Variants in COBLL1 observed in about 807,000 individuals in gnomAD.
The protein encoded by COBLL1 is cordon-bleu WH2 repeat protein like 1.
In COBLL1, 50 loss-of-function variants were observed where a neutral mutation model predicts 94.8. The observed-to-expected ratio is 0.53, with a 90% confidence interval of 0.42 to 0.67. The LOEUF (loss-of-function observed/expected upper bound fraction) is 0.67. Ranked by LOEUF, COBLL1 falls within the 30% of genes least tolerant of loss-of-function variation. The pLI is 0.00. For synonymous variants in COBLL1, 448 were observed against 473.8 expected (o/e 0.95, Z 0.71); for missense variants, 1,362 against 1,348.7 (o/e 1.01, Z -0.15).
chr2:164,669,263 C>T (rs559665205), intron 1 of COBLL1, among the ~76,000 whole-genome samples: 5 of 151,962 alleles, frequency 3.3e-5, no homozygotes, highest in East Asian at 3.9e-4. Flanking sequence ...AAATATTATG[C>T]GGGAATAAAT....
chr2:164,679,631 G>A (rs569597856), downstream of COBLL1, among the ~76,000 whole-genome samples: 1 of 152,062 alleles, frequency 6.6e-6, no homozygotes, highest in African/African-American at 2.4e-5. Flanking sequence ...TAGAGAACTG[G>A]TATTTAAATT....
intron 7 of COBLL1, among the ~76,000 whole-genome samples, chr2:164,707,243 T>G (rs1246751712): frequency 6.6e-6 from 1 of 152,042 alleles, no homozygotes; most frequent in Non-Finnish European, 1.5e-5. Flanking sequence ...CAGGTTCAAG[T>G]GATTCTCATG....
chr2:164,765,771 A>G (rs1336411413), intron 2 of COBLL1, among the ~76,000 whole-genome samples: 2 of 152,228 alleles, frequency 1.3e-5, no homozygotes, highest in Non-Finnish European at 2.9e-5. Context: ...AAATTACTAA[A>G]GCTAATCAAA....
intron 8 of COBLL1, 93 bp from the exon 9 acceptor site, chr2:164,704,611 G>T: frequency 9.2e-7 from 1 of 1,087,714 alleles, no homozygotes; most frequent in Non-Finnish European, 1.4e-6. Context: ...TCAGAAAGCA[G>T]TAAGCCTTGC....
At chr2:164,663,620 T>A (rs942270386) in intron 2 of COBLL1, among the ~76,000 whole-genome samples, 2 of 152,012 alleles carry the variant, frequency 1.3e-5, no homozygotes, top group African/African-American at 4.8e-5. Context: ...TTCACAGCCA[T>A]AAAAAAGAAT....
intron 2 of COBLL1, among the ~76,000 whole-genome samples, chr2:164,791,375 C>T (rs1454917815): frequency 6.6e-6 from 1 of 151,116 alleles, no homozygotes. Context: ...AACACATGGC[C>T]AGAAAGACAA....
At chr2:164,702,513 G>A (rs372107916) in intron 9 of COBLL1, among the ~76,000 whole-genome samples, 7 of 134,166 alleles carry the variant, frequency 5.2e-5, no homozygotes, top group East Asian at 2.2e-4. Flanking sequence ...GCAGTGAGCC[G>A]AGATCACGCC....
At chr2:164,809,521 G>A (rs529382534) in intron 2 of COBLL1, among the ~76,000 whole-genome samples, 2 of 152,012 alleles carry the variant, frequency 1.3e-5, no homozygotes, top group East Asian at 3.9e-4. Flanking sequence ...CAAAATTACA[G>A]AATTGGTCTT....
intron 5 of COBLL1, chr2:164,727,013 T>G: frequency 1.7e-6 from 1 of 576,642 alleles, no homozygotes; most frequent in Non-Finnish European, 3.0e-6. Flanking sequence ...AATGAACACG[T>G]TAGTGATGTT....
chr2:164,782,183 C>T (rs973602895), intron 2 of COBLL1, among the ~76,000 whole-genome samples: 1 of 152,116 alleles, frequency 6.6e-6, no homozygotes, highest in Admixed American at 6.6e-5. Context: ...TTCATTCTTG[C>T]AGTTAATTCT....
At chr2:164,793,415 A>T (rs1683290372) in intron 2 of COBLL1, among the ~76,000 whole-genome samples, 1 of 152,160 alleles carries the variant, frequency 6.6e-6, no homozygotes, top group South Asian at 2.1e-4. Flanking sequence ...AATCTCATAA[A>T]TTTAATTCTT....
intron 9 of COBLL1, among the ~76,000 whole-genome samples, chr2:164,701,491 A>G (rs1163920000): frequency 6.6e-6 from 1 of 152,202 alleles, no homozygotes; most frequent in Non-Finnish European, 1.5e-5. Context: ...AAAGTGTAAT[A>G]TACATACATA....
chr2:164,676,184 G>A (rs942425055), downstream of COBLL1, among the ~76,000 whole-genome samples: 2 of 152,174 alleles, frequency 1.3e-5, no homozygotes, highest in African/African-American at 4.8e-5. Context: ...TGACATTCAA[G>A]CAGAGATAAT....
intron 2 of COBLL1, chr2:164,771,821 T>C (rs1201163239): frequency 6.6e-6 from 1 of 151,938 alleles, no homozygotes; most frequent in African/African-American, 2.4e-5. Flanking sequence ...ACTTCAAAAA[T>C]CTACAGAAAA....
intron 2 of COBLL1, chr2:164,773,726 C>G (rs1021950669): frequency 7.7e-7 from 1 of 1,292,514 alleles, no homozygotes; most frequent in Non-Finnish European, 1.0e-6. Flanking sequence ...AGAAAGTCTC[C>G]ATAAAACAGT....
chr2:164,841,407 G>GCGC lies in COBLL1; in HGVS notation c.-50-164_-50-162dup. 1 of 1,166,478 alleles carries GCGC rather than the reference G, an allele frequency of 8.6e-7. No individual in the cohort carries two copies. Among genetic ancestry groups the GCGC allele is most frequent in the Non-Finnish European group, 1.1e-6 (1 of 946,624 alleles). 72.3% of individuals were successfully genotyped at this position (1,166,478 alleles called of 1,614,324 possible). A position where few individuals can be genotyped will look rare whatever the true frequency, so the allele number is the denominator to read the frequency against. On this transcript the variant is annotated intron_variant, in intron 1 of 13. Coordinates refer to ENST00000652658, the MANE Select transcript of COBLL1 (RefSeq NM_001365672.2). This position sits in a 1 kb window ranked among gnomAD's most constrained non-coding sequence, Gnocchi z 5.5. ...GCGGGCCCCGGCTCCCAGCCCGCGG[G>GCGC]CGCCGCCGCCGTCTCTACAAGGTCT...
At chr2:164,679,114 T>G (rs1682921628), downstream of COBLL1, among the ~76,000 whole-genome samples, 3 of 152,142 alleles carry the variant, frequency 2.0e-5, no homozygotes, top group South Asian at 6.2e-4. Flanking sequence ...CTCTGGGACA[T>G]CTCATGCACT....
chr2:164,790,182 C>T (rs1473576432), intron 2 of COBLL1, among the ~76,000 whole-genome samples: 2 of 152,128 alleles, frequency 1.3e-5, no homozygotes, highest in Admixed American at 6.5e-5. Context: ...GAATGGCTGG[C>T]GCCCTCTCCC....
At chr2:164,746,131 T>C (rs951787819) in intron 2 of COBLL1, among the ~76,000 whole-genome samples, 1 of 152,152 alleles carries the variant, frequency 6.6e-6, no homozygotes, top group African/African-American at 2.4e-5. Context: ...TAAACATACA[T>C]CTAATCCATC....
Sources: gnomAD v4.1 joint callset for allele counts (sites outside exome capture counted in the v4.1 genomes callset) on GRCh38, gnomAD v4.1.1 for gene constraint, Gnocchi (gnomAD v3.1) non-coding constraint, MANE v1.5 for transcripts, NCBI Gene and HGNC (gene_info 2026-07-23, HGNC 2026-07-21) for gene names.